Variants in IFI44 observed in about 807,000 individuals in gnomAD.
The protein encoded by IFI44 is interferon induced protein 44.
Under a neutral mutation model 45.0 loss-of-function variants are expected in IFI44, and 42 were observed. That is an observed-to-expected ratio of 0.93 (90% CI 0.73 to 1.21). IFI44 has a LOEUF of 1.21. Ranked by LOEUF, IFI44 falls within the 50% of genes most tolerant of loss-of-function variation. IFI44 has a pLI of 0.00. For missense variants in IFI44, 623 were observed against 525.8 expected, an observed-to-expected ratio of 1.18 and a Z score of -1.81; for synonymous variants, 221 against 188.6, an observed-to-expected ratio of 1.17 and a Z score of -1.41.
chr1:78,657,115 A>G (rs1316520293), intron 5 of IFI44, among the ~76,000 whole-genome samples: 1 of 151,966 alleles, frequency 6.6e-6, no homozygotes, highest in African/African-American at 2.4e-5. Flanking sequence ...TTCTCCTTAA[A>G]CATAGCCATA....
Position 78,659,484 on chromosome 1 carries a change from G to A in IFI44, c.1012+1G>A. 1 of 1,609,714 alleles carries A rather than the reference G, an allele frequency of 6.2e-7. No individual in the cohort carries two copies. The highest frequency in any genetic ancestry group is 8.5e-7 in the Non-Finnish European group (1 of 1,176,760). On this transcript the variant is annotated splice_donor_variant, in intron 6 of 8. Coordinates refer to ENST00000370747, the MANE Select transcript of IFI44 (RefSeq NM_006417.5). LOFTEE classifies it high-confidence loss of function. The stretch of plus-strand genomic sequence containing the variant: ...ATTCGAAGGGAGTTGGTAAACGCTG[G>A]TGAGTCTCATTCCACTTTGCTAAGG...
At chr1:78,650,057 T>G (rs1647095644) in intron 1 of IFI44, 129 bp from the exon 2 acceptor site, 2 of 501,966 alleles carry the variant, frequency 4.0e-6, no homozygotes, top group Non-Finnish European at 6.6e-6. Flanking sequence ...TTTTTTGCTT[T>G]CTGTTCATCC....
At chr1:78,653,109 A>G (rs1647149856) in intron 2 of IFI44, among the ~76,000 whole-genome samples, 1 of 151,950 alleles carries the variant, frequency 6.6e-6, no homozygotes, top group Admixed American at 6.6e-5. Flanking sequence ...ATATTAATTT[A>G]TCCTTTCTTC....
intron 8 of IFI44, chr1:78,663,418 T>C (rs1185805008): frequency 8.1e-6 from 8 of 985,394 alleles, no homozygotes; most frequent in Non-Finnish European, 9.6e-6. Flanking sequence ...TTACATAAAC[T>C]TTCTTTTAAC....
Position 78,660,604 on chromosome 1 carries a change from A to T in IFI44, c.1063A>T (p.Thr355Ser). ...LTHVDSMDLI[T>S]KGDLIEIERC... The stretch of plus-strand genomic sequence containing the variant: ...TCATGTGGATAGCATGGATTTGATT[A>T]CAAAAGGTGACCTTATAGAAATAGA... The change falls in exon 7 of 9, where the codon ACA becomes TCA. Residue 355 changes from threonine (T) to serine (S), a missense_variant. Transcript: ENST00000370747. The T allele has an allele frequency of 6.2e-7, 1 of 1,613,858 alleles. No individual in the cohort carries two copies. Among genetic ancestry groups the T allele is most frequent in the Non-Finnish European group, 8.5e-7 (1 of 1,179,804 alleles).
Position 78,659,476 on chromosome 1 carries a change from A to T in IFI44, c.1005A>T (p.Val335=), listed in dbSNP as rs1252662175. The T allele has an allele frequency of 1.2e-6, 2 of 1,611,714 alleles. No homozygotes were observed. ...TCAAAAGAATTCGAAGGGAGTTGGT[A>T]AACGCTGGTGAGTCTCATTCCACTT... ...VKIKRIRREL[V]NAGVVHVALL... Residue 335 remains valine (V), a synonymous_variant, in exon 6 of 9, where the codon GTA becomes GTT. Coordinates refer to ENST00000370747, the MANE Select transcript of IFI44 (RefSeq NM_006417.5).
rs751742682 is a variant in IFI44, at chr1:78,650,572, A to C, written c.377A>C (p.Asp126Ala). ...IDGRNRKVIMDLKTMENLGLA... is the reference protein window; with the variant it reads ...IDGRNRKVIMALKTMENLGLA... ...GGAAGAAATAGAAAAGTGATTATGG[A>C]CTTAAAGACAATGGAAAATCTTGGA... Residue 126 changes from aspartate (D) to alanine (A), a missense_variant, in exon 2 of 9, where the codon GAC (aspartate) becomes GCC (alanine). Physicochemically the swap from Asp to Ala is moderately radical, Grantham distance 126. Coordinates refer to ENST00000370747, the MANE Select transcript of IFI44 (RefSeq NM_006417.5). 3 of 1,612,902 alleles carry C rather than the reference A, an allele frequency of 1.9e-6. No individual in the cohort carries two copies. The highest frequency in any genetic ancestry group is 1.7e-6 in the Non-Finnish European group (2 of 1,179,548).
Position 78,649,904 on chromosome 1 carries a change from A to G in IFI44, c.-12A>G. On this transcript the variant is annotated splice_region_variant and 5_prime_UTR_variant, in exon 1 of 9. Coordinates refer to ENST00000370747, the MANE Select transcript of IFI44 (RefSeq NM_006417.5). ...TAGCTGATACTACAGACAGTACAAC[A>G]GGTAAATGTCTTTCTGCTTTTCATT... is the stretch of plus-strand genomic sequence containing the variant. The G allele has an allele frequency of 8.3e-6, 2 of 242,254 alleles. No individual in the cohort carries two copies. The highest frequency in any genetic ancestry group is 1.5e-4 in the South Asian group (2 of 13,180). 15.0% of individuals were successfully genotyped at this position (242,254 alleles called of 1,614,324 possible).
Position 78,662,834 on chromosome 1 carries a change from G to A in IFI44, c.1244G>A (p.Trp415Ter). ...LILSALRRML[W>*]AADDFLEDLP... ...CTTTCTGCTCTGAGACGAATGCTAT[G>A]GGCTGCAGATGACTTCTTAGAGGAT... The change falls in exon 8 of 9, where the codon TGG (tryptophan) becomes TAG (stop). Residue 415 changes from tryptophan to a stop codon, truncating the protein, a stop_gained. Coordinates refer to ENST00000370747, the MANE Select transcript of IFI44 (RefSeq NM_006417.5). LOFTEE classifies it low-confidence loss of function (END_TRUNC). The A allele has an allele frequency of 6.2e-7, 1 of 1,613,590 alleles. No homozygotes were observed. The highest frequency in any genetic ancestry group is 1.7e-5 in the Admixed American group (1 of 59,960).
Position 78,663,246 on chromosome 1 carries a change from G to A in IFI44, c.1288+368G>A, listed in dbSNP as rs191769740. 8 of 985,280 alleles carry A rather than the reference G, an allele frequency of 8.1e-6. No homozygotes were observed. In the East Asian group the frequency reaches 9.1e-4, roughly 112 times the overall value. The allele number at this position is 985,280 out of a possible 1,614,324, so 61.0% of individuals were successfully genotyped here. A position where few individuals can be genotyped will look rare whatever the true frequency, so the allele number is the denominator to read the frequency against. On this transcript the variant is annotated intron_variant, in intron 8 of 8. Coordinates refer to ENST00000370747, the MANE Select transcript of IFI44 (RefSeq NM_006417.5). ...ATTGGATTGGCATTGCTCCTGATCAGATGAGACCTTTGATTATTTGCCCCT... is the reference window on the plus strand; with the variant it reads ...ATTGGATTGGCATTGCTCCTGATCAAATGAGACCTTTGATTATTTGCCCCT...
intron 7 of IFI44, chr1:78,660,922 TC>T: frequency 2.3e-6 from 1 of 436,288 alleles, no homozygotes; most frequent in South Asian, 2.2e-5. Flanking sequence ...CCTATGCACA[TC>T]CTTTGGTATA....
chr1:78,659,289 C>T, intron 5 of IFI44, 23 bp from the exon 6 acceptor site: 1 of 1,581,372 alleles, frequency 6.3e-7, no homozygotes, highest in Non-Finnish European at 8.7e-7. Flanking sequence ...GAATTAATAT[C>T]TTGCTTTATG....
rs1647100265 is a variant in IFI44 at position 78,650,275 on chromosome 1, T to A, written c.80T>A (p.Leu27His). 1.2e-6 allele frequency: 2 copies of A among 1,613,772 alleles called. No individual in the cohort carries two copies. The highest frequency in any genetic ancestry group is 3.3e-5 in the Admixed American group (2 of 59,996). The change falls in exon 2 of 9, where the codon CTC (leucine) becomes CAC (histidine). Residue 27 changes from leucine to histidine, a missense_variant. Leu to His is a moderately conservative substitution (Grantham distance 99). Coordinates refer to ENST00000370747, the MANE Select transcript of IFI44 (RefSeq NM_006417.5). ...NHFGGKRLSL[L>H]YKGSVHGFRN... is the part of the protein sequence containing the mutation. ...TTTGGAGGGAAGCGGCTTAGCCTTC[T>A]CTATAAGGGTAGTGTCCATGGATTC...
At chr1:78,657,662 G>C (rs900764232) in intron 5 of IFI44, among the ~76,000 whole-genome samples, 8 of 152,154 alleles carry the variant, frequency 5.3e-5, no homozygotes, top group African/African-American at 1.9e-4. Context: ...ATTACCCAGT[G>C]GCACAGTTTA....
At chr1:78,653,069 T>C (rs1647149220) in intron 2 of IFI44, among the ~76,000 whole-genome samples, 1 of 152,112 alleles carries the variant, frequency 6.6e-6, no homozygotes, top group South Asian at 2.1e-4. Flanking sequence ...AGATAATTAT[T>C]TATTTTACAT....
At chr1:78,662,429 A>T (rs902430680) in intron 7 of IFI44, among the ~76,000 whole-genome samples, 1 of 152,220 alleles carries the variant, frequency 6.6e-6, no homozygotes, top group Non-Finnish European at 1.5e-5. Context: ...TTTAAAAGAA[A>T]CAGGAAATAT....
chr1:78,655,371 T>G lies in IFI44; in HGVS notation c.700T>G (p.Tyr234Asp). 1 of 1,611,488 alleles carries G rather than the reference T, an allele frequency of 6.2e-7. No individual in the cohort carries two copies. Among genetic ancestry groups the G allele is most frequent in the South Asian group, 1.1e-5 (1 of 90,364 alleles). The change falls in exon 5 of 9, where the codon TAC becomes GAC. Residue 234 changes from tyrosine to aspartate, a missense_variant. Physicochemically the swap from Tyr to Asp is radical, Grantham distance 160 (BLOSUM62 -3). Transcript: ENST00000370747. ...TTGISEKYRT[Y>D]SIRDGKDGKY... ...TTTCTCCCCTCTACAGTATAGGACA[T>G]ACTCTATTAGAGACGGGAAAGATGG...
At position 78,662,706 on chromosome 1, in the gene IFI44, A is replaced by T. The variant is rs1317580712; in HGVS notation, c.1116A>T (p.Leu372=). 2.0e-5 allele frequency: 32 copies of T among 1,610,484 alleles called. No individual in the cohort carries two copies. The highest frequency in any genetic ancestry group is 2.5e-5 in the Non-Finnish European group (29 of 1,177,692). The change falls in exon 8 of 9, where the codon CTA becomes CTT. Residue 372 remains leucine, a splice_region_variant and synonymous_variant. Transcript: ENST00000370747. ...IERCEPVRSK[L]EEVQRKLGFA... is the part of the protein sequence containing the mutation. ...TCTTTTTAATTTCTGTATTGCAGCT[A>T]GAGGAAGTCCAAAGAAAACTTGGAT...
intron 8 of IFI44, chr1:78,663,346 T>C (rs1316907123): frequency 1.0e-6 from 1 of 985,276 alleles, no homozygotes; most frequent in East Asian, 1.1e-4. Context: ...TCCCTCTTCA[T>C]GCAGTATGGT....
Sources: allele counts gnomAD v4.1 joint callset (sites outside exome capture counted in the v4.1 genomes callset), GRCh38; gene constraint gnomAD v4.1.1; transcripts MANE v1.5; gene names NCBI Gene and HGNC (gene_info 2026-07-23, HGNC 2026-07-21).